ANKDD1B: variants seen among roughly 807,000 people sequenced by gnomAD.
ANKDD1B encodes the protein ankyrin repeat and death domain-containing protein 1B.
Under a neutral mutation model 59.7 loss-of-function variants are expected in ANKDD1B, and 57 were observed. The observed-to-expected ratio is 0.95, with a 90% CI of 0.77 to 1.19. The LOEUF (loss-of-function observed/expected upper bound fraction) is 1.19. Ranked by LOEUF, ANKDD1B falls within the 50% of genes most tolerant of loss-of-function variation. The probability of loss-of-function intolerance (pLI) is 0.00; values close to 1 mark genes in which losing one functional copy is unlikely to be tolerated. For synonymous variants in ANKDD1B, 216 were observed against 239.5 expected (o/e 0.90, Z 0.91); for missense variants, 602 against 641.9 (o/e 0.94, Z 0.67).
Position 75,663,478 on chromosome 5 carries a change from G to A in ANKDD1B, c.1180G>A (p.Ala394Thr), listed in dbSNP as rs1458460030. Reference sequence around the variant, plus strand: ...GCTCATTAAAGCAGAGAGATACTACGCCTGGAGAGAGGTAAGGAAGGACGA... The same window carrying A: ...GCTCATTAAAGCAGAGAGATACTACACCTGGAGAGAGGTAAGGAAGGACGA... ...GMLIKAERYY[A>T]WREEHHESIR... Residue 394 changes from alanine (A) to threonine (T), a missense_variant, in exon 11 of 14, where the codon GCC becomes ACC. This residue lies in a region of ANKDD1B where 280 missense variants were observed against 319.8 expected (regional missense o/e 0.88). Coordinates refer to ENST00000601380, the MANE Select transcript of ANKDD1B (RefSeq NM_001276713.2). The A allele has an allele frequency of 5.2e-6, 8 of 1,536,186 alleles. No individual in the cohort carries two copies. The highest frequency in any genetic ancestry group is 4.9e-5 in the East Asian group (2 of 40,932).
At chr5:75,635,495 G>A in intron 6 of ANKDD1B, 1 of 277,776 alleles carries the variant, frequency 3.6e-6, no homozygotes, top group Non-Finnish European at 6.7e-6. Flanking sequence ...CCTCACAGAG[G>A]TCAAATGGAA....
At chr5:75,614,413 C>G (rs182213984) in intron 1 of ANKDD1B, among the ~76,000 whole-genome samples, 1 of 152,128 alleles carries the variant, frequency 6.6e-6, no homozygotes, top group South Asian at 2.1e-4. Context: ...GATATTATCT[C>G]TGTCTGTCAA....
At chr5:75,640,667 G>A (rs1279824499) in intron 7 of ANKDD1B, among the ~76,000 whole-genome samples, 2 of 152,196 alleles carry the variant, frequency 1.3e-5, no homozygotes, top group East Asian at 3.8e-4. Context: ...GCAAAGTGCT[G>A]CTGACAGCAG....
chr5:75,639,479 G>A (rs1669609480), intron 7 of ANKDD1B, among the ~76,000 whole-genome samples: 1 of 152,182 alleles, frequency 6.6e-6, no homozygotes, highest in Admixed American at 6.5e-5. Flanking sequence ...TTACAGGCAT[G>A]AGCCACTGCA....
At position 75,664,845 on chromosome 5, in the gene ANKDD1B, T is replaced by C. The variant is rs141808746; in HGVS notation, c.1191+1356T>C. ...CCCAGAAATGGTAAGAGTTGTTAAC[T>C]CCGGTGACAATTGGGGTCCTGGGGT... On this transcript the variant is annotated intron_variant, in intron 11 of 13. Transcript: ENST00000601380. Among the ~76,000 whole-genome samples the C allele has an allele frequency of 1.6e-4, 25 of 152,308 alleles. No individual in the cohort carries two copies. In the East Asian group the frequency reaches 4.2e-3, roughly 26 times the overall value.
At position 75,661,234 on chromosome 5, in the gene ANKDD1B, T is replaced by A. The variant is rs575382289; in HGVS notation, c.1095+1853T>A. Among the ~76,000 whole-genome samples the A allele has an allele frequency of 7.3e-5, 11 of 151,400 alleles. No homozygotes were observed. In the East Asian group the frequency reaches 2.1e-3, roughly 29 times the overall value. ...CAACATGGTGAAACCCTGTCTCTACTAAAAATACACAAATCAGCCGGGCAT... is the reference window on the plus strand; with the variant it reads ...CAACATGGTGAAACCCTGTCTCTACAAAAAATACACAAATCAGCCGGGCAT... On this transcript the variant is annotated intron_variant, in intron 10 of 13. Coordinates refer to ENST00000601380, the MANE Select transcript of ANKDD1B (RefSeq NM_001276713.2).
intron 9 of ANKDD1B, among the ~76,000 whole-genome samples, chr5:75,657,446 C>T (rs770249840): frequency 6.6e-6 from 1 of 152,146 alleles, no homozygotes; most frequent in East Asian, 1.9e-4. Flanking sequence ...CATTTCCTGC[C>T]TTCTAGACTT....
chr5:75,627,496 G>A (rs7723531), intron 5 of ANKDD1B, among the ~76,000 whole-genome samples: 42,554 of 152,020 alleles, frequency 0.28, 6,576 homozygotes, highest in South Asian at 0.43. Flanking sequence ...CTTAGCAACA[G>A]GCCAGGCACA....
chr5:75,652,767 A>C (rs1412815969), intron 7 of ANKDD1B, among the ~76,000 whole-genome samples: 1 of 152,224 alleles, frequency 6.6e-6, no homozygotes, highest in Non-Finnish European at 1.5e-5. Context: ...ACAGCCATGC[A>C]TCTCTGAATG....
intron 7 of ANKDD1B, among the ~76,000 whole-genome samples, chr5:75,640,935 G>A (rs1380178782): frequency 6.6e-6 from 1 of 152,162 alleles, no homozygotes; most frequent in African/African-American, 2.4e-5. Flanking sequence ...TGAAAATGGG[G>A]CAAAATGAGC....
chr5:75,622,723 A>G (rs1414438170), intron 3 of ANKDD1B, among the ~76,000 whole-genome samples: 4 of 152,222 alleles, frequency 2.6e-5, no homozygotes, highest in Admixed American at 2.0e-4. Flanking sequence ...CTATTGAGCA[A>G]TGTACACTTT....
chr5:75,662,024 C>T (rs1460493641), intron 10 of ANKDD1B, among the ~76,000 whole-genome samples: 1 of 148,166 alleles, frequency 6.7e-6, no homozygotes, highest in Non-Finnish European at 1.5e-5. Context: ...TTGTTCTCTG[C>T]TTGTCCTCTT....
intron 2 of ANKDD1B, 68 bp downstream of exon 2, chr5:75,616,975 GAAATAATAATAA>G: frequency 1.5e-6 from 1 of 656,348 alleles, no homozygotes; most frequent in South Asian, 2.3e-5. Flanking sequence ...CAGGACATCT[GAAATAATAATAA>G]AAATAAAAAT....
chr5:75,648,630 T>G (rs1017249219), intron 7 of ANKDD1B, among the ~76,000 whole-genome samples: 1 of 152,186 alleles, frequency 6.6e-6, no homozygotes, highest in Non-Finnish European at 1.5e-5. Flanking sequence ...ATCCATTTTT[T>G]AGCTTTTACT....
In ANKDD1B at chr5:75,663,431, A is replaced by G; in HGVS notation, c.1133A>G (p.Asn378Ser). Residue 378 changes from asparagine (N) to serine (S), a missense_variant, in exon 11 of 14, where the codon AAC (asparagine) becomes AGC (serine). Physicochemically the swap from Asn to Ser is conservative, Grantham distance 46. This residue lies in a region of ANKDD1B where 280 missense variants were observed against 319.8 expected (regional missense o/e 0.88). Transcript: ENST00000601380. ...KTALAVASRS[N>S]HSLVVGMLIK... Reference sequence around the variant, plus strand: ...GCCCTGGCTGTGGCCTCCAGGAGCAACCATAGCCTTGTCGTGGGCATGCTC... The same window carrying G: ...GCCCTGGCTGTGGCCTCCAGGAGCAGCCATAGCCTTGTCGTGGGCATGCTC... 6.5e-7 allele frequency: 1 copy of G among 1,536,414 alleles called. No individual in the cohort carries two copies. The highest frequency in any genetic ancestry group is 8.7e-7 in the Non-Finnish European group (1 of 1,146,950).
chr5:75,639,389 G>T (rs1046691124), intron 7 of ANKDD1B, among the ~76,000 whole-genome samples: 2 of 152,108 alleles, frequency 1.3e-5, no homozygotes, highest in African/African-American at 4.8e-5. Flanking sequence ...TAGAGACAGG[G>T]TTTCACCATG....
At chr5:75,658,019 C>T (rs1775019460) in intron 9 of ANKDD1B, among the ~76,000 whole-genome samples, 1 of 151,486 alleles carries the variant, frequency 6.6e-6, no homozygotes, top group African/African-American at 2.4e-5. Flanking sequence ...TGAAACCAGC[C>T]TGGGCAACAT....
At chr5:75,615,668 C>G (rs990570926) in intron 1 of ANKDD1B, among the ~76,000 whole-genome samples, 8 of 144,332 alleles carry the variant, frequency 5.5e-5, no homozygotes, top group African/African-American at 1.8e-4. Context: ...CTGGTCTTCC[C>G]TGTGTGTGTG....
chr5:75,650,630 G>A (rs16872693), intron 7 of ANKDD1B, among the ~76,000 whole-genome samples: 14,462 of 152,152 alleles, frequency 0.095, 1,662 homozygotes, highest in African/African-American at 0.27. Flanking sequence ...AAAGAGGCCC[G>A]TACTTGACAG....
Sources: allele counts gnomAD v4.1 joint callset (sites outside exome capture counted in the v4.1 genomes callset), GRCh38; gene constraint gnomAD v4.1.1; regional missense constraint gnomAD v4.1.1; transcripts MANE v1.5; gene names NCBI Gene and HGNC (gene_info 2026-07-23, HGNC 2026-07-21).